The following TIAM2 variants were observed in gnomAD, a reference collection of about 807,000 sequenced individuals.
TIAM2 encodes the protein TIAM Rac1 associated GEF 2.
TIAM2 carries 80 observed loss-of-function variants against 152.9 expected under a neutral mutation model. The ratio of observed to expected loss-of-function variants is 0.52; its 90% confidence interval spans 0.44 to 0.63. The LOEUF is 0.63. TIAM2 is among the 30% of genes least tolerant of loss of function. The pLI, the probability that TIAM2 is intolerant of heterozygous loss-of-function variation, is 0.00. For synonymous variants in TIAM2, 804 were observed against 838.0 expected (o/e 0.96, Z 0.70); for missense variants, 1,965 against 2,120.1 (o/e 0.93, Z 1.44).
chr6:155,216,991 C>A, intron 15 of TIAM2: 2 of 1,259,142 alleles, frequency 1.6e-6, no homozygotes, highest in Non-Finnish European at 2.0e-6. Context: ...GAGGGAGAGA[C>A]AACGTGTGTC....
At chr6:155,196,043 G>A (rs557630910) in intron 14 of TIAM2, among the ~76,000 whole-genome samples, 1 of 152,316 alleles carries the variant, frequency 6.6e-6, no homozygotes, top group East Asian at 1.9e-4. Flanking sequence ...CGAGTGATTG[G>A]TAAGGATCAC....
At chr6:155,109,883 T>A (rs1056184807) in intron 2 of TIAM2, among the ~76,000 whole-genome samples, 1 of 151,984 alleles carries the variant, frequency 6.6e-6, no homozygotes. Context: ...GTATCTTAGA[T>A]AATTGATAGA....
intron 1 of TIAM2, among the ~76,000 whole-genome samples, chr6:155,079,734 G>A (rs1039576164): frequency 6.6e-6 from 1 of 152,178 alleles, no homozygotes; most frequent in Non-Finnish European, 1.5e-5. Flanking sequence ...ATCACTTGAG[G>A]TCAGGAGTTC....
chr6:155,027,572 T>C (rs1776636774), intron 1 of TIAM2, among the ~76,000 whole-genome samples: 1 of 102,764 alleles, frequency 9.7e-6, no homozygotes, highest in African/African-American at 3.8e-5. Context: ...ATACTATATA[T>C]AATATATGTA....
At chr6:155,197,913 A>T (rs894367687) in intron 14 of TIAM2, among the ~76,000 whole-genome samples, 2 of 152,216 alleles carry the variant, frequency 1.3e-5, no homozygotes, top group African/African-American at 4.8e-5. Context: ...AAACCATATC[A>T]CTGAGCAAGT....
intron 1 of TIAM2, among the ~76,000 whole-genome samples, chr6:155,020,625 C>A (rs1036173842): frequency 6.6e-6 from 1 of 151,134 alleles, no homozygotes; most frequent in Non-Finnish European, 1.5e-5. Flanking sequence ...CCACACCAGG[C>A]TAATTTTTTG....
chr6:155,110,368 A>G (rs568101243), intron 2 of TIAM2, among the ~76,000 whole-genome samples: 3 of 121,080 alleles, frequency 2.5e-5, no homozygotes, highest in African/African-American at 9.7e-5. Context: ...CCTGTTTACC[A>G]AACGTGTTTG....
intron 19 of TIAM2, among the ~76,000 whole-genome samples, chr6:155,247,346 TGA>T (rs1783391836): frequency 6.6e-6 from 1 of 152,194 alleles, no homozygotes; most frequent in South Asian, 2.1e-4. Flanking sequence ...TTGTTTTTTT[TGA>T]GATGGAGTCT....
intron 1 of TIAM2, among the ~76,000 whole-genome samples, chr6:155,029,505 A>G (rs1366732382): frequency 7.1e-5 from 2 of 28,336 alleles, no homozygotes; most frequent in African/African-American, 1.4e-4. Flanking sequence ...TATTATATAT[A>G]ATATATACTA....
chr6:155,034,401 C>A (rs4870344), intron 1 of TIAM2, among the ~76,000 whole-genome samples: 119,821 of 151,802 alleles, frequency 0.79, 48,802 homozygotes, highest in Middle Eastern at 0.93. Context: ...ATTATAGCCA[C>A]CCACCACCAT....
chr6:155,242,567 T>C (rs867751039), intron 16 of TIAM2, among the ~76,000 whole-genome samples: 1 of 152,198 alleles, frequency 6.6e-6, no homozygotes, highest in Admixed American at 6.5e-5. Context: ...TGGGGATGCT[T>C]TGGGCTTTAT....
At chr6:155,190,595 T>C (rs748415255) in intron 14 of TIAM2, among the ~76,000 whole-genome samples, 3 of 152,268 alleles carry the variant, frequency 2.0e-5, no homozygotes, top group Non-Finnish European at 4.4e-5. Flanking sequence ...AAATCAGTCT[T>C]GGCTTTTCTC....
chr6:155,182,536 G>A (rs1780930578), intron 13 of TIAM2, among the ~76,000 whole-genome samples: 1 of 152,164 alleles, frequency 6.6e-6, no homozygotes, highest in South Asian at 2.1e-4. Flanking sequence ...AGGATGGGAG[G>A]ATTGCTTGAG....
At chr6:155,254,667 T>G in intron 26 of TIAM2, 94 bp downstream of exon 26, 2 of 1,473,892 alleles carry the variant, frequency 1.4e-6, no homozygotes, top group East Asian at 2.3e-5. Flanking sequence ...GACTTTTCAC[T>G]TTGTAAGTCA....
chr6:155,232,098 C>CA (rs147501283), intron 15 of TIAM2, among the ~76,000 whole-genome samples: 10,827 of 136,490 alleles, frequency 0.079, 1,298 homozygotes, highest in African/African-American at 0.26. Flanking sequence ...AAAACAAAAA[C>CA]AAAAAAAAAC....
intron 6 of TIAM2, among the ~76,000 whole-genome samples, chr6:155,145,385 TGTTAGC>T (rs534698910): frequency 3.9e-5 from 6 of 152,132 alleles, no homozygotes; most frequent in Admixed American, 6.6e-5. Flanking sequence ...CTGGCACCTT[TGTTAGC>T]GTTGAGTTTG....
intron 1 of TIAM2, among the ~76,000 whole-genome samples, chr6:155,062,462 T>C (rs1777604743): frequency 6.6e-6 from 1 of 152,110 alleles, no homozygotes; most frequent in South Asian, 2.1e-4. Context: ...CATCTGTTGC[T>C]CCATATCCTC....
intron 2 of TIAM2, among the ~76,000 whole-genome samples, chr6:155,095,394 G>A (rs13202771): frequency 0.2 from 30,430 of 152,140 alleles, 3,613 homozygotes; most frequent in Admixed American, 0.37. Flanking sequence ...GGGAAGATCC[G>A]TGGTAATTAA....
In TIAM2 at chr6:155,251,787, C is replaced by T. The variant is rs182150229; in HGVS notation, c.4061-158C>T. Among the ~76,000 whole-genome samples, 188 of 152,160 alleles carry T rather than the reference C, an allele frequency of 1.2e-3. 2 individuals carry two copies. Among genetic ancestry groups the T allele is most frequent in the African/African-American group, 4.4e-3 (181 of 41,514 alleles). On this transcript the variant is annotated intron_variant, in intron 22 of 26. Coordinates refer to ENST00000682666, the MANE Select transcript of TIAM2 (RefSeq NM_012454.4). ...TGCTTCTGCATAGTTCAAATATGAG[C>T]GAAAGGGAAGTACCATTTATTCACT...
Sources: allele counts gnomAD v4.1 joint callset (sites outside exome capture counted in the v4.1 genomes callset), GRCh38; gene constraint gnomAD v4.1.1; transcripts MANE v1.5; gene names NCBI Gene and HGNC (gene_info 2026-07-23, HGNC 2026-07-21).